Variants in LRP2 observed in about 807,000 individuals in gnomAD.
LRP2 encodes the protein LDL receptor related protein 2.
Under a neutral mutation model 531.0 loss-of-function variants are expected in LRP2, and 172 were observed. The observed-to-expected ratio is 0.32, with a 90% CI of 0.29 to 0.37. The LOEUF is 0.37. LRP2 is among the 10% of genes least tolerant of loss of function. The probability of loss-of-function intolerance (pLI) is 1.00; values close to 1 mark genes in which losing one functional copy is unlikely to be tolerated. For missense variants in LRP2, 5,167 were observed against 5,868.3 expected (o/e 0.88, Z 3.90); for synonymous variants, 1,992 against 2,027.6 (o/e 0.98, Z 0.47).
At position 169,227,804 on chromosome 2, in the gene LRP2, G is replaced by A. The variant is rs145970469; in HGVS notation, c.5228-1216C>T. Among the ~76,000 whole-genome samples, 925 of 151,892 alleles carry A rather than the reference G, an allele frequency of 6.1e-3. 5 individuals are homozygous for A. The highest frequency in any genetic ancestry group is 0.012 in the Admixed American group (179 of 15,234). ...TTAAATTTAGTCTAATGTAAATTTC[G>A]CAACTATTAATGCTTTACATTTTTC... On this transcript the variant is annotated intron_variant, in intron 31 of 78. Coordinates refer to ENST00000649046, the MANE Select transcript of LRP2 (RefSeq NM_004525.3).
At chr2:169,361,978 G>T (rs1329022296) in intron 1 of LRP2, among the ~76,000 whole-genome samples, 1 of 152,252 alleles carries the variant, frequency 6.6e-6, no homozygotes, top group East Asian at 1.9e-4. Context: ...AGGGAGGGCA[G>T]GCTGCAAACG....
chr2:169,201,005 A>G (rs1688185965), intron 44 of LRP2, among the ~76,000 whole-genome samples: 1 of 152,228 alleles, frequency 6.6e-6, no homozygotes, highest in Admixed American at 6.5e-5. Context: ...CTCTTACCCA[A>G]AGAATTGCAC....
chr2:169,230,008 G>A (rs546692703), intron 31 of LRP2, among the ~76,000 whole-genome samples: 1 of 152,230 alleles, frequency 6.6e-6, no homozygotes, highest in Admixed American at 6.5e-5. Context: ...TACTCAGCTG[G>A]TGCTCTGAAA....
At chr2:169,128,887 G>A (rs769969152) in intron 78 of LRP2, 57 bp from the exon 79 acceptor site, 10 of 1,599,010 alleles carry the variant, frequency 6.3e-6, no homozygotes, top group African/African-American at 2.7e-5. Context: ...CACCATACAC[G>A]GTTTTTCATA....
At chr2:169,293,605 G>A (rs778905151) in intron 6 of LRP2, among the ~76,000 whole-genome samples, 1 of 152,124 alleles carries the variant, frequency 6.6e-6, no homozygotes, top group Non-Finnish European at 1.5e-5. Context: ...AACCCAGGAG[G>A]CGGAAGTGGC....
At chr2:169,333,100 T>A (rs1685308368) in intron 1 of LRP2, among the ~76,000 whole-genome samples, 1 of 152,188 alleles carries the variant, frequency 6.6e-6, no homozygotes, top group Non-Finnish European at 1.5e-5. Flanking sequence ...GTACTGATAA[T>A]TAATCATCTA....
chr2:169,312,266 G>T (rs1242313336), intron 3 of LRP2, among the ~76,000 whole-genome samples: 2 of 151,952 alleles, frequency 1.3e-5, no homozygotes, highest in African/African-American at 4.8e-5. Context: ...TGGTTATTTT[G>T]CTCGTTAGTT....
chr2:169,267,854 G>T (rs189869814), intron 16 of LRP2, among the ~76,000 whole-genome samples: 3 of 151,958 alleles, frequency 2.0e-5, no homozygotes, highest in Non-Finnish European at 4.4e-5. Flanking sequence ...TTGATAGACC[G>T]CTAGCAAGAC....
intron 4 of LRP2, among the ~76,000 whole-genome samples, chr2:169,296,871 AG>A (rs1156304312): frequency 6.6e-6 from 1 of 152,152 alleles, no homozygotes; most frequent in African/African-American, 2.4e-5. Flanking sequence ...TGATATCATC[AG>A]GGAGGGTATT....
At chr2:169,357,505 T>C (rs1686026306) in intron 1 of LRP2, among the ~76,000 whole-genome samples, 1 of 151,800 alleles carries the variant, frequency 6.6e-6, no homozygotes, top group African/African-American at 2.4e-5. Flanking sequence ...CTAATTTTTG[T>C]GTTTTAAATA....
At chr2:169,224,757 T>G (rs552094952) in intron 33 of LRP2, among the ~76,000 whole-genome samples, 47 of 152,304 alleles carry the variant, frequency 3.1e-4, no homozygotes, top group African/African-American at 1.1e-3. Context: ...TATTGATAAT[T>G]AGGAGGAAAC....
At chr2:169,258,562 C>T (rs941485018) in intron 17 of LRP2, among the ~76,000 whole-genome samples, 18 of 152,118 alleles carry the variant, frequency 1.2e-4, no homozygotes, top group Admixed American at 1.0e-3. Flanking sequence ...TTGTCTGGCA[C>T]CACCAATTAT....
chr2:169,272,786 T>C (rs1683452707), intron 15 of LRP2, 141 bp downstream of exon 15: 3 of 1,003,012 alleles, frequency 3.0e-6, no homozygotes, highest in Middle Eastern at 2.8e-4. Flanking sequence ...AGATGCCCTG[T>C]GGGCTACAGA....
chr2:169,143,624 C>T (rs548926699), intron 70 of LRP2, among the ~76,000 whole-genome samples: 10 of 152,208 alleles, frequency 6.6e-5, no homozygotes, highest in South Asian at 2.1e-4. Flanking sequence ...CCAGCCAGGG[C>T]GACAGAGCAA....
chr2:169,200,102 T>C (rs1688149764), intron 44 of LRP2, among the ~76,000 whole-genome samples: 1 of 152,054 alleles, frequency 6.6e-6, no homozygotes, highest in East Asian at 1.9e-4. Context: ...ATACAAAAAA[T>C]TAGCCAGGCA....
chr2:169,176,442 T>C lies in LRP2; in HGVS notation c.10540A>G (p.Ser3514Gly). 1 of 1,614,190 alleles carries C rather than the reference T, an allele frequency of 6.2e-7. No homozygotes were observed. Among genetic ancestry groups the C allele is most frequent in the South Asian group, 1.1e-5 (1 of 91,086 alleles). The change falls in exon 54 of 79, where the codon AGC (serine) becomes GGC (glycine). Residue 3514 changes from serine (S) to glycine (G), a missense_variant. Ser to Gly is a moderately conservative substitution (Grantham distance 56). This residue lies in a region of LRP2 where 311 missense variants were observed against 309.4 expected (regional missense o/e 1.01). Coordinates refer to ENST00000649046, the MANE Select transcript of LRP2 (RefSeq NM_004525.3). ...TTGTTAGCGCACAGGAACTGGGTGC[T>C]GGAGCACATGGGCATGCAGTAGGTG... The part of the protein sequence containing the change: ...GSTYCMPMCS[S>G]TQFLCANNEK...
intron 18 of LRP2, 111 bp downstream of exon 18, chr2:169,257,013 G>T: frequency 8.2e-7 from 1 of 1,221,826 alleles, no homozygotes; most frequent in African/African-American, 1.5e-5. Context: ...TTAAAATTCC[G>T]CGAGGGCAAG....
At chr2:169,232,321 G>C (rs1469946465) in intron 30 of LRP2, among the ~76,000 whole-genome samples, 1 of 151,980 alleles carries the variant, frequency 6.6e-6, no homozygotes. Flanking sequence ...ATCTCTGTGT[G>C]TCTCTGCACC....
chr2:169,198,348 A>G (rs1473491287), intron 45 of LRP2, among the ~76,000 whole-genome samples: 1 of 152,176 alleles, frequency 6.6e-6, no homozygotes, highest in Non-Finnish European at 1.5e-5. Context: ...CAGGAGGCAG[A>G]GGCTGCGGTG....
Sources: gnomAD v4.1 joint callset for allele counts (sites outside exome capture counted in the v4.1 genomes callset) on GRCh38, gnomAD v4.1.1 for gene constraint, gnomAD v4.1.1 regional missense constraint, MANE v1.5 for transcripts, NCBI Gene and HGNC (gene_info 2026-07-23, HGNC 2026-07-21) for gene names.